Variants in UNC5C observed in about 807,000 individuals in gnomAD.
UNC5C encodes unc-5 netrin receptor C.
In UNC5C, 47 loss-of-function variants were observed where a neutral mutation model predicts 99.8. The observed-to-expected ratio is 0.47, with a 90% CI of 0.37 to 0.60. UNC5C has a LOEUF of 0.60. UNC5C is among the 20% of genes least tolerant of loss of function. The pLI is 0.00. For missense variants in UNC5C, 1,062 were observed against 1,165.9 expected (o/e 0.91, Z 1.30); for synonymous variants, 487 against 452.2 (o/e 1.08, Z -0.98).
intron 1 of UNC5C, among the ~76,000 whole-genome samples, chr4:95,338,441 A>G (rs1364173671): frequency 6.6e-6 from 1 of 152,094 alleles, no homozygotes; most frequent in Non-Finnish European, 1.5e-5. Context: ...GACTATAGCT[A>G]CATGTATTTA....
At chr4:95,546,534 T>C (rs1723073560) in intron 1 of UNC5C, among the ~76,000 whole-genome samples, 1 of 152,140 alleles carries the variant, frequency 6.6e-6, no homozygotes, top group Non-Finnish European at 1.5e-5. Flanking sequence ...TTACAGACCA[T>C]GAGATTCAAA....
intron 2 of UNC5C, among the ~76,000 whole-genome samples, chr4:95,305,973 T>C (rs1296166098): frequency 6.6e-6 from 1 of 152,188 alleles, no homozygotes; most frequent in East Asian, 1.9e-4. Context: ...CCACAAATAC[T>C]GTTTTTCTAG....
intron 4 of UNC5C, among the ~76,000 whole-genome samples, chr4:95,263,863 A>G (rs1740336092): frequency 1.3e-5 from 2 of 152,228 alleles, no homozygotes; most frequent in Non-Finnish European, 2.9e-5. Context: ...ATAGTAAATA[A>G]TTTATTCTAC....
intron 1 of UNC5C, among the ~76,000 whole-genome samples, chr4:95,354,479 A>ATATATATATATATATTTTTTTTTT: frequency 9.1e-6 from 1 of 110,350 alleles, no homozygotes; most frequent in Non-Finnish European, 1.8e-5. Flanking sequence ...ATATATATAT[A>ATATATATATATATATTTTTTTTTT]TTTTTTTTTT....
chr4:95,496,168 G>A (rs1721627152), intron 1 of UNC5C, among the ~76,000 whole-genome samples: 1 of 151,656 alleles, frequency 6.6e-6, no homozygotes, highest in African/African-American at 2.4e-5. Context: ...AAGAAGAGTG[G>A]CATCCTGTTC....
chr4:95,514,383 G>A (rs1057107948), intron 1 of UNC5C, among the ~76,000 whole-genome samples: 1 of 151,956 alleles, frequency 6.6e-6, no homozygotes, highest in Non-Finnish European at 1.5e-5. Flanking sequence ...AACTTGGTAT[G>A]CTTTGACCAA....
At position 95,460,626 on chromosome 4, in the gene UNC5C, T is replaced by C. The variant is rs183223356; in HGVS notation, c.124+88108A>G. Among the ~76,000 whole-genome samples, 209 of 152,320 alleles carry C rather than the reference T, an allele frequency of 1.4e-3. 3 individuals are homozygous for C. Among genetic ancestry groups the C allele is most frequent in the East Asian group, 9.7e-4 (5 of 5,176 alleles). On this transcript the variant is annotated intron_variant, in intron 1 of 15. Coordinates refer to ENST00000453304, the MANE Select transcript of UNC5C (RefSeq NM_003728.4). ...TCATGCCTTTTGTCTTCTGCCACGATTGTGAGGCGTCCCTAGCCATGTGGA... is the reference window on the plus strand; with the variant it reads ...TCATGCCTTTTGTCTTCTGCCACGACTGTGAGGCGTCCCTAGCCATGTGGA...
At chr4:95,187,349 A>G (rs770045258) in intron 12 of UNC5C, among the ~76,000 whole-genome samples, 2 of 152,216 alleles carry the variant, frequency 1.3e-5, no homozygotes, top group Non-Finnish European at 2.9e-5. Context: ...TCTGATTACT[A>G]TAGATCTTCA....
chr4:95,545,287 G>A (rs1034716502), intron 1 of UNC5C, among the ~76,000 whole-genome samples: 8 of 152,252 alleles, frequency 5.3e-5, no homozygotes, highest in Middle Eastern at 3.4e-3. Context: ...TGTTTGAAAA[G>A]TTTATTCTTT....
chr4:95,437,560 A>G (rs1045405285), intron 1 of UNC5C, among the ~76,000 whole-genome samples: 5 of 152,062 alleles, frequency 3.3e-5, no homozygotes, highest in African/African-American at 1.2e-4. Context: ...CCCTTCTTTC[A>G]TGCATATACA....
At chr4:95,229,854 A>G in intron 7 of UNC5C, among the ~76,000 whole-genome samples, 1 of 116,266 alleles carries the variant, frequency 8.6e-6, no homozygotes, top group Non-Finnish European at 1.6e-5. Flanking sequence ...CTCATTGCCC[A>G]GGCTGGAGTG....
At chr4:95,321,082 G>A (rs1390528095) in intron 2 of UNC5C, among the ~76,000 whole-genome samples, 1 of 152,088 alleles carries the variant, frequency 6.6e-6, no homozygotes, top group Non-Finnish European at 1.5e-5. Flanking sequence ...CCATATGTGT[G>A]CAATAAATAT....
chr4:95,406,777 A>G (rs1469858965), intron 1 of UNC5C, among the ~76,000 whole-genome samples: 1 of 152,208 alleles, frequency 6.6e-6, no homozygotes, highest in Non-Finnish European at 1.5e-5. Context: ...TTAAATTCAG[A>G]TTCAAATCTT....
chr4:95,309,385 T>A (rs1285317239), intron 2 of UNC5C, among the ~76,000 whole-genome samples: 2 of 152,078 alleles, frequency 1.3e-5, no homozygotes, highest in Admixed American at 6.6e-5. Context: ...ATGATTTTTT[T>A]AATATGACCC....
intron 3 of UNC5C, among the ~76,000 whole-genome samples, chr4:95,294,141 T>C (rs554155355): frequency 2.6e-5 from 4 of 152,234 alleles, no homozygotes; most frequent in Non-Finnish European, 5.9e-5. Flanking sequence ...GTGAAATACA[T>C]GACCGAAATA....
At chr4:95,473,787 C>A (rs1451563129) in intron 1 of UNC5C, among the ~76,000 whole-genome samples, 1 of 152,078 alleles carries the variant, frequency 6.6e-6, no homozygotes, top group Non-Finnish European at 1.5e-5. Context: ...GCACTAAAAA[C>A]TTCTACAGAG....
intron 1 of UNC5C, among the ~76,000 whole-genome samples, chr4:95,361,952 A>G (rs1256176799): frequency 1.3e-5 from 2 of 148,306 alleles, no homozygotes; most frequent in African/African-American, 5.1e-5. Context: ...TAAAAAACAG[A>G]TTATCTATTA....
chr4:95,442,817 TAC>T (rs10578644), intron 1 of UNC5C, among the ~76,000 whole-genome samples: 61,621 of 150,004 alleles, frequency 0.41, 12,537 homozygotes, highest in Admixed American at 0.5. Flanking sequence ...TGTGCGCCAA[TAC>T]ACACACACAC....
rs117896462 is a variant in UNC5C, at chr4:95,202,802, G to T, written c.2065C>A (p.Pro689Thr). 2 of 1,614,232 alleles carry T rather than the reference G, an allele frequency of 1.2e-6. No homozygotes were observed. The highest frequency in any genetic ancestry group is 1.7e-6 in the Non-Finnish European group (2 of 1,180,048). ...AKRLKLAIFGPLCCSSLEYSI... is the reference protein window; with the variant it reads ...AKRLKLAIFGTLCCSSLEYSI... Reference sequence around the variant, plus strand: ...TACTCCAGCGAGGAGCAGCACAGGGGCCCAAAGATGGCCAGCTTGAGGCGC... The same window carrying T: ...TACTCCAGCGAGGAGCAGCACAGGGTCCCAAAGATGGCCAGCTTGAGGCGC... The change falls in exon 12 of 16, where the codon CCC (proline) becomes ACC (threonine). Residue 689 changes from proline to threonine, a missense_variant. By Grantham distance (38) the Pro-to-Thr change is conservative. Transcript: ENST00000453304.
Sources: allele counts gnomAD v4.1 joint callset (sites outside exome capture counted in the v4.1 genomes callset), GRCh38; gene constraint gnomAD v4.1.1; transcripts MANE v1.5; gene names NCBI Gene and HGNC (gene_info 2026-07-23, HGNC 2026-07-21).